KLF12: variants seen among roughly 807,000 people sequenced by gnomAD.
The protein encoded by KLF12 is Krueppel-like factor 12.
In KLF12, 9 loss-of-function variants were observed where a neutral mutation model predicts 37.8. The observed-to-expected ratio is 0.24, with a 90% CI of 0.14 to 0.42. The LOEUF (loss-of-function observed/expected upper bound fraction) is 0.42. KLF12 is among the 10% of genes least tolerant of loss of function. The pLI is 1.00. For synonymous variants in KLF12, 208 were observed against 202.1 expected (o/e 1.03, Z -0.25); for missense variants, 411 against 516.0 (o/e 0.80, Z 1.97).
At chr13:73,890,729 T>TA (rs900199906) in intron 3 of KLF12, among the ~76,000 whole-genome samples, 2 of 151,184 alleles carry the variant, frequency 1.3e-5, no homozygotes, top group Admixed American at 1.3e-4. Context: ...AAAAAAAAAA[T>TA]AAAAGATTCC....
chr13:73,849,380 A>ATC (rs1885201793), intron 3 of KLF12, among the ~76,000 whole-genome samples: 1 of 95,516 alleles, frequency 1.0e-5, no homozygotes. Context: ...CTCCATAAAA[A>ATC]AAAAAAAAAA....
chr13:74,276,078 T>A, the KLF12 span, among the ~76,000 whole-genome samples: 6 of 151,538 alleles, frequency 4.0e-5, no homozygotes, highest in Admixed American at 4.0e-4. Flanking sequence ...GTCATCTAGG[T>A]TTTAAGCCCC....
chr13:73,736,266 T>C (rs1457054848), intron 6 of KLF12, among the ~76,000 whole-genome samples: 2 of 152,180 alleles, frequency 1.3e-5, no homozygotes, highest in South Asian at 2.1e-4. Context: ...AAAATGACTG[T>C]GGAGTTTGAG....
Position 73,966,781 on chromosome 13 carries a change from C to T in KLF12, c.34-22711G>A, listed in dbSNP as rs1324905. On this transcript the variant is annotated intron_variant, in intron 2 of 7. Coordinates refer to ENST00000377669, the MANE Select transcript of KLF12 (RefSeq NM_007249.5). ...TGAATTTATATGCCCAGTAATGTGC[C>T]GGCACTTTACTCAGGAAACACTGTC... is the stretch of plus-strand genomic sequence containing the variant. 3.7e-3 allele frequency among the ~76,000 whole-genome samples: 568 copies of T among 152,190 alleles called. 14 individuals carry two copies. Among genetic ancestry groups the T allele is most frequent in the Admixed American group, 0.033 (508 of 15,272 alleles).
intron 1 of KLF12, among the ~76,000 whole-genome samples, chr13:74,068,660 G>A (rs944007862): frequency 6.0e-5 from 9 of 150,828 alleles, no homozygotes; most frequent in South Asian, 4.2e-4. Context: ...AGGTTCAAAC[G>A]ATTCTCCTGC....
chr13:73,972,172 T>G (rs945769985), intron 2 of KLF12, among the ~76,000 whole-genome samples: 1 of 152,276 alleles, frequency 6.6e-6, no homozygotes, highest in South Asian at 2.1e-4. Context: ...CACAGCAACA[T>G]GTTAAAAGAT....
intron 3 of KLF12, among the ~76,000 whole-genome samples, chr13:73,916,883 A>G (rs1888874974): frequency 6.6e-6 from 1 of 152,340 alleles, no homozygotes; most frequent in East Asian, 1.9e-4. Context: ...CTGTAGTTAT[A>G]TAATTGTCCT....
rs71115629 is a variant in KLF12 at position 73,979,354 on chromosome 13, AACACAC to A, written c.33+15630_33+15635del. 7.1e-3 allele frequency among the ~76,000 whole-genome samples: 989 copies of A among 139,690 alleles called. 1 individual carries two copies. Among genetic ancestry groups the A allele is most frequent in the East Asian group, 0.014 (67 of 4,734 alleles). 91.6% of individuals were successfully genotyped at this position (139,690 alleles called of 152,430 possible). On this transcript the variant is annotated intron_variant, in intron 2 of 7. Transcript: ENST00000377669. ...TTCTTTTAAAAACAGTCTGCTTTTA[AACACAC>A]ACACACACACACACACACACACACA...
chr13:73,897,554 TCTCCTC>T (rs34253322), intron 3 of KLF12, among the ~76,000 whole-genome samples: 1 of 151,804 alleles, frequency 6.6e-6, no homozygotes, highest in Non-Finnish European at 1.5e-5. Flanking sequence ...CTCATTCATG[TCTCCTC>T]CTTTTTCAAC....
chr13:74,243,738 G>A, the KLF12 span, among the ~76,000 whole-genome samples: 18 of 152,174 alleles, frequency 1.2e-4, no homozygotes, highest in East Asian at 3.3e-3. Context: ...ATGTTTGTTG[G>A]CCATGAGAGG....
chr13:74,038,744 T>C (rs1893323019), intron 1 of KLF12, among the ~76,000 whole-genome samples: 1 of 152,200 alleles, frequency 6.6e-6, no homozygotes, highest in East Asian at 1.9e-4. Flanking sequence ...TTAAAGTAAG[T>C]TGACTGCTTT....
chr13:73,806,439 T>C (rs1192734723), intron 5 of KLF12, among the ~76,000 whole-genome samples: 1 of 151,976 alleles, frequency 6.6e-6, no homozygotes, highest in Non-Finnish European at 1.5e-5. Context: ...CTATGTTGCA[T>C]AGGCTGGTCT....
At chr13:74,278,533 C>G in the KLF12 span, among the ~76,000 whole-genome samples, 1 of 152,176 alleles carries the variant, frequency 6.6e-6, no homozygotes, top group Non-Finnish European at 1.5e-5. Flanking sequence ...ATCAAGGCAC[C>G]AGTCCACAGT....
chr13:74,107,934 G>C (rs980859322), intron 1 of KLF12, among the ~76,000 whole-genome samples: 4 of 152,202 alleles, frequency 2.6e-5, no homozygotes, highest in Non-Finnish European at 5.9e-5. Context: ...TACGACATTA[G>C]ACAATTTGTC....
the KLF12 span, among the ~76,000 whole-genome samples, chr13:74,304,030 C>T: frequency 3.9e-5 from 6 of 152,058 alleles, no homozygotes; most frequent in South Asian, 2.1e-4. Context: ...TAGGCCTTTC[C>T]GAGGGCCCAC....
chr13:74,139,667 ATTAG>A, the KLF12 span, among the ~76,000 whole-genome samples: 9 of 152,164 alleles, frequency 5.9e-5, no homozygotes, highest in African/African-American at 2.2e-4. Context: ...TTTTATTAAA[ATTAG>A]ATAGCATTCT....
the KLF12 span, among the ~76,000 whole-genome samples, chr13:74,262,007 G>C: frequency 6.6e-6 from 1 of 152,170 alleles, no homozygotes. Context: ...GCTCCTCAGT[G>C]TGTGTGGCTC....
At chr13:74,134,513 C>T (rs1878460734), upstream of KLF12, among the ~76,000 whole-genome samples, 1 of 151,514 alleles carries the variant, frequency 6.6e-6, no homozygotes, top group Non-Finnish European at 1.5e-5. Flanking sequence ...GGGCTGGGTC[C>T]GCGGCGCCTC....
At chr13:73,702,339 A>G (rs989651145) in intron 7 of KLF12, among the ~76,000 whole-genome samples, 2 of 152,196 alleles carry the variant, frequency 1.3e-5, no homozygotes. Flanking sequence ...TAAAGTCTAA[A>G]GAAAACACCA....
Sources: allele counts gnomAD v4.1 joint callset (sites outside exome capture counted in the v4.1 genomes callset), GRCh38; gene constraint gnomAD v4.1.1; transcripts MANE v1.5; gene names NCBI Gene and HGNC (gene_info 2026-07-23, HGNC 2026-07-21).